The following CHST8 variants were observed in gnomAD, a reference collection of about 807,000 sequenced individuals.
CHST8 encodes GALNAC-4-ST1.
Under a neutral mutation model 15.0 loss-of-function variants are expected in CHST8, and 10 were observed. That is an observed-to-expected ratio of 0.67 (90% confidence interval 0.41 to 1.13). The LOEUF is 1.13. Among genes scored for constraint, CHST8 ranks in the 50% most tolerant of loss-of-function variants. The probability of loss-of-function intolerance (pLI) is 0.00; values close to 1 mark genes in which losing one functional copy is unlikely to be tolerated. For synonymous variants in CHST8, 259 were observed against 256.6 expected (o/e 1.01, Z -0.09); for missense variants, 634 against 608.2 (o/e 1.04, Z -0.45).
At chr19:33,768,288 C>T (rs1352646067) in intron 3 of CHST8, among the ~76,000 whole-genome samples, 1 of 152,082 alleles carries the variant, frequency 6.6e-6, no homozygotes, top group African/African-American at 2.4e-5. Context: ...CGAAAGTGAA[C>T]TTGTAGCCAG....
At position 33,772,071 on chromosome 19, in the gene CHST8, C is replaced by T. The variant is rs1378287155; in HGVS notation, c.283C>T (p.Pro95Ser). 1.2e-6 allele frequency: 2 copies of T among 1,612,538 alleles called. No homozygotes were observed. The highest frequency in any genetic ancestry group is 3.3e-5 in the Admixed American group (2 of 60,018). Reference protein sequence around the residue: ...RGRNLPAPDQPQPPLQRGTRL... With the variant: ...RGRNLPAPDQSQPPLQRGTRL... Reference sequence around the variant, plus strand: ...CCGCAACCTGCCAGCGCCTGACCAGCCTCAACCCCCGCTGCAGAGGGGAAC... The same window carrying T: ...CCGCAACCTGCCAGCGCCTGACCAGTCTCAACCCCCGCTGCAGAGGGGAAC... Residue 95 changes from proline (P) to serine (S), a missense_variant, in exon 5 of 5, where the codon CCT becomes TCT. Physicochemically the swap from Pro to Ser is moderately conservative, Grantham distance 74 (BLOSUM62 -1). Transcript: ENST00000650847.
chr19:33,665,797 C>G lies in CHST8; in HGVS notation c.-163-1970C>G, dbSNP rs141826775. On this transcript the variant is annotated intron_variant, in intron 1 of 4. Transcript: ENST00000650847. ...GTGGAGGGGATGGGCAGGCCTTCCT[C>G]AAGCCTGAGTTTGCACATGGTTCAC... 1.2e-4 allele frequency among the ~76,000 whole-genome samples: 19 copies of G among 152,316 alleles called. No homozygotes were observed. The East Asian group carries it at 3.5e-3, about 28-fold the overall frequency.
intron 3 of CHST8, among the ~76,000 whole-genome samples, chr19:33,763,422 C>G (rs1201799009): frequency 6.6e-6 from 1 of 152,210 alleles, no homozygotes; most frequent in African/African-American, 2.4e-5. Context: ...TGCTGCCTCC[C>G]CTCGAAGTCC....
At chr19:33,706,547 C>T (rs1350488431) in intron 3 of CHST8, among the ~76,000 whole-genome samples, 1 of 152,180 alleles carries the variant, frequency 6.6e-6, no homozygotes, top group Non-Finnish European at 1.5e-5. Context: ...CAGGCAGGGG[C>T]AAATGACTTG....
chr19:33,766,829 A>G (rs1385658832), intron 3 of CHST8, among the ~76,000 whole-genome samples: 2 of 152,090 alleles, frequency 1.3e-5, no homozygotes, highest in African/African-American at 2.4e-5. Flanking sequence ...GACAGCGCCA[A>G]TGGGTGTGGG....
At chr19:33,741,419 A>G (rs1241388286) in intron 3 of CHST8, among the ~76,000 whole-genome samples, 3 of 152,248 alleles carry the variant, frequency 2.0e-5, no homozygotes, top group Admixed American at 2.0e-4. Flanking sequence ...ACTGCAAGTC[A>G]ACATGAACTG....
chr19:33,705,314 T>G (rs573330744), intron 3 of CHST8, among the ~76,000 whole-genome samples: 106 of 152,214 alleles, frequency 7.0e-4, no homozygotes, highest in African/African-American at 2.4e-3. Context: ...TCAGTGGCAT[T>G]GTTTGGTTCA....
rs1028887242 is a variant in CHST8, at chr19:33,694,003, G to A, written c.130+4612G>A. 4.7e-5 allele frequency among the ~76,000 whole-genome samples: 7 copies of A among 149,270 alleles called. No homozygotes were observed. The East Asian group carries it at 1.4e-3, about 29-fold the overall frequency. ...TGAGTCATTGTCAGTGACCCATGAA[G>A]CCAAAGTGAGTGGTGTGGATTGATT... On this transcript the variant is annotated intron_variant, in intron 3 of 4. Coordinates refer to ENST00000650847, the MANE Select transcript of CHST8 (RefSeq NM_001127895.2).
intron 3 of CHST8, among the ~76,000 whole-genome samples, chr19:33,751,684 G>T (rs772400693): frequency 6.6e-6 from 1 of 152,218 alleles, no homozygotes; most frequent in Non-Finnish European, 1.5e-5. Context: ...CAGACAGCTC[G>T]GGCCTGGACC....
At position 33,757,424 on chromosome 19, in the gene CHST8, A is replaced by AG. The variant is rs1974577659; in HGVS notation, c.131-13989_131-13988insG. On this transcript the variant is annotated intron_variant, in intron 3 of 4. Coordinates refer to ENST00000650847, the MANE Select transcript of CHST8 (RefSeq NM_001127895.2). Reference sequence around the variant, plus strand: ...AAAGAAAGAAAGAAAGAAAGAAAGAAAGAAAGAAAGAAAGAAAGAAAGAAA... The same window carrying AG: ...AAAGAAAGAAAGAAAGAAAGAAAGAAGAGAAAGAAAGAAAGAAAGAAAGAAA... Among the ~76,000 whole-genome samples, 2 of 14,574 alleles carry AG rather than the reference A, an allele frequency of 1.4e-4. 1 individual carries two copies. The highest frequency in any genetic ancestry group is 5.3e-4 in the African/African-American group (2 of 3,792). 9.6% of individuals were successfully genotyped at this position (14,574 alleles called of 152,430 possible).
At chr19:33,710,249 G>A (rs912110334) in intron 3 of CHST8, among the ~76,000 whole-genome samples, 11 of 152,154 alleles carry the variant, frequency 7.2e-5, no homozygotes, top group African/African-American at 2.7e-4. Flanking sequence ...TCTAGCTAAA[G>A]GTTTGTCAAT....
At chr19:33,749,192 G>A (rs1974368352) in intron 3 of CHST8, among the ~76,000 whole-genome samples, 1 of 152,162 alleles carries the variant, frequency 6.6e-6, no homozygotes, top group Non-Finnish European at 1.5e-5. Context: ...AAGCTCTGAG[G>A]GAAAGCAGCA....
At chr19:33,673,426 G>A (rs1972768528) in intron 2 of CHST8, among the ~76,000 whole-genome samples, 2 of 152,214 alleles carry the variant, frequency 1.3e-5, no homozygotes, top group South Asian at 2.1e-4. Context: ...AGGGACCCTG[G>A]GTGGGGCAGG....
intron 1 of CHST8, among the ~76,000 whole-genome samples, chr19:33,634,904 G>A (rs996425711): frequency 1.1e-4 from 17 of 152,022 alleles, no homozygotes; most frequent in Non-Finnish European, 4.4e-5. Context: ...TCGCTGGGGG[G>A]TGTCCCATGT....
At chr19:33,680,596 A>G (rs1972873694) in intron 2 of CHST8, among the ~76,000 whole-genome samples, 1 of 152,254 alleles carries the variant, frequency 6.6e-6, no homozygotes, top group South Asian at 2.1e-4. Context: ...AGCTGGAAAT[A>G]TGTTGAAATT....
intron 3 of CHST8, among the ~76,000 whole-genome samples, chr19:33,705,681 G>A (rs1973432697): frequency 1.3e-5 from 2 of 152,174 alleles, no homozygotes; most frequent in Non-Finnish European, 2.9e-5. Flanking sequence ...GTGATGGGGT[G>A]TGGCAGGCAT....
chr19:33,633,589 G>GC (rs937064071), intron 1 of CHST8, among the ~76,000 whole-genome samples: 4 of 149,766 alleles, frequency 2.7e-5, no homozygotes, highest in African/African-American at 9.8e-5. Context: ...GAGATGGGGG[G>GC]GTCTCACTTT....
rs547734811 is a variant in CHST8, at chr19:33,626,632, C to T, written c.-164+4336C>T. 2.6e-5 allele frequency among the ~76,000 whole-genome samples: 4 copies of T among 152,194 alleles called. No homozygotes were observed. The East Asian group carries it at 7.7e-4, about 29-fold the overall frequency. On this transcript the variant is annotated intron_variant, in intron 1 of 4. Coordinates refer to ENST00000650847, the MANE Select transcript of CHST8 (RefSeq NM_001127895.2). Reference sequence around the variant, plus strand: ...TTGTTAAAAAGAGCCTAGCACCTACCCCCTACCTCTGTGATCTCGGCACAC... The same window carrying T: ...TTGTTAAAAAGAGCCTAGCACCTACTCCCTACCTCTGTGATCTCGGCACAC...
At chr19:33,648,170 A>G (rs1972378218) in intron 1 of CHST8, among the ~76,000 whole-genome samples, 1 of 152,032 alleles carries the variant, frequency 6.6e-6, no homozygotes, top group Non-Finnish European at 1.5e-5. Context: ...AAATATGGTC[A>G]CTAGGGTCTG....
Sources: gnomAD v4.1 joint callset for allele counts (sites outside exome capture counted in the v4.1 genomes callset) on GRCh38, gnomAD v4.1.1 for gene constraint, MANE v1.5 for transcripts, NCBI Gene and HGNC (gene_info 2026-07-23, HGNC 2026-07-21) for gene names.